TAS2R1: variants seen among roughly 807,000 people sequenced by gnomAD.
TAS2R1 encodes taste 2 receptor member 1.
For synonymous variants in TAS2R1, 141 were observed against 134.2 expected, an observed-to-expected ratio of 1.05 and a Z score of -0.35; for missense variants, 370 against 353.4, an observed-to-expected ratio of 1.05 and a Z score of -0.38.
the TAS2R1 span, among the ~76,000 whole-genome samples, chr5:9,805,533 A>G: frequency 6.6e-6 from 1 of 152,188 alleles, no homozygotes; most frequent in East Asian, 1.9e-4. Flanking sequence ...ACAGCATATC[A>G]AAAAGATAAT....
At chr5:9,693,960 C>T (rs950761072) in intron 1 of TAS2R1, among the ~76,000 whole-genome samples, 2 of 152,200 alleles carry the variant, frequency 1.3e-5, no homozygotes, top group African/African-American at 2.4e-5. Flanking sequence ...ATAACCCTCA[C>T]CTCCAGGTGT....
the TAS2R1 span, among the ~76,000 whole-genome samples, chr5:9,743,565 C>T: frequency 2.0e-5 from 3 of 152,118 alleles, no homozygotes; most frequent in African/African-American, 7.2e-5. Context: ...ATTGTCACTT[C>T]GCGCCTCTTT....
the TAS2R1 span, among the ~76,000 whole-genome samples, chr5:9,857,680 T>C: frequency 6.6e-6 from 1 of 152,200 alleles, no homozygotes; most frequent in Non-Finnish European, 1.5e-5. Context: ...AGAAGATTAT[T>C]GTGTTCTTTG....
chr5:9,815,591 C>T, the TAS2R1 span, among the ~76,000 whole-genome samples: 17 of 152,002 alleles, frequency 1.1e-4, no homozygotes, highest in Non-Finnish European at 2.4e-4. Flanking sequence ...CCTTCTGCTA[C>T]ATTGCATGCT....
At chr5:9,896,989 C>G in the TAS2R1 span, among the ~76,000 whole-genome samples, 1 of 152,168 alleles carries the variant, frequency 6.6e-6, no homozygotes, top group East Asian at 1.9e-4. Context: ...CTCTTAGCCT[C>G]TGCACTCAAG....
chr5:9,670,193 T>C (rs1231029851), intron 1 of TAS2R1, among the ~76,000 whole-genome samples: 1 of 152,086 alleles, frequency 6.6e-6, no homozygotes, highest in Non-Finnish European at 1.5e-5. Flanking sequence ...CTCCCAAAAT[T>C]GAACCAGGAA....
the TAS2R1 span, among the ~76,000 whole-genome samples, chr5:9,732,579 C>G: frequency 6.6e-6 from 1 of 152,022 alleles, no homozygotes; most frequent in Non-Finnish European, 1.5e-5. Context: ...GCTTCCATAG[C>G]AGGGTGGATG....
chr5:9,774,442 G>A, the TAS2R1 span, among the ~76,000 whole-genome samples: 11 of 152,280 alleles, frequency 7.2e-5, no homozygotes, highest in Non-Finnish European at 7.4e-5. Flanking sequence ...TATTAAGTTC[G>A]TTTAGTGAGA....
chr5:9,781,798 C>A, the TAS2R1 span, among the ~76,000 whole-genome samples: 1 of 152,186 alleles, frequency 6.6e-6, no homozygotes, highest in East Asian at 1.9e-4. Context: ...CTCAGCAAGG[C>A]CCCCTGCATG....
the TAS2R1 span, among the ~76,000 whole-genome samples, chr5:9,897,682 G>A: frequency 0.05 from 7,560 of 152,166 alleles, 211 homozygotes; most frequent in African/African-American, 0.06. Flanking sequence ...TTCTTGGGAG[G>A]GTTCTTTCTT....
At chr5:9,689,007 A>C (rs1741183177) in intron 1 of TAS2R1, among the ~76,000 whole-genome samples, 1 of 152,108 alleles carries the variant, frequency 6.6e-6, no homozygotes, top group Non-Finnish European at 1.5e-5. Flanking sequence ...CGGCATCAGC[A>C]CCATTTTCAT....
intron 1 of TAS2R1, among the ~76,000 whole-genome samples, chr5:9,688,775 ACCCTCTCTAAAG>A (rs975168626): frequency 5.3e-5 from 8 of 151,904 alleles, no homozygotes; most frequent in African/African-American, 1.9e-4. Context: ...TTTATCTCGC[ACCCTCTCTAAAG>A]CTTCCCCCAA....
chr5:9,852,798 T>A, the TAS2R1 span, among the ~76,000 whole-genome samples: 1 of 152,200 alleles, frequency 6.6e-6, no homozygotes, highest in African/African-American at 2.4e-5. Flanking sequence ...TCAGCTTGGC[T>A]TGACTTGAAC....
the TAS2R1 span, among the ~76,000 whole-genome samples, chr5:9,771,570 A>G: frequency 6.6e-6 from 1 of 152,106 alleles, no homozygotes; most frequent in Non-Finnish European, 1.5e-5. Flanking sequence ...CTTTTTTCAG[A>G]ATAGTCTGAG....
At chr5:9,630,768 T>A (rs1315072010), upstream of TAS2R1, among the ~76,000 whole-genome samples, 8 of 152,220 alleles carry the variant, frequency 5.3e-5, no homozygotes, top group Non-Finnish European at 1.5e-5. Flanking sequence ...GGTTAAAATC[T>A]TTTCTCTCTT....
the TAS2R1 span, among the ~76,000 whole-genome samples, chr5:9,732,070 G>T: frequency 6.6e-6 from 1 of 152,180 alleles, no homozygotes; most frequent in Admixed American, 6.5e-5. Flanking sequence ...TGCTATGATA[G>T]AGAATAATGG....
At chr5:9,635,053 T>C (rs1010852904), upstream of TAS2R1, among the ~76,000 whole-genome samples, 1 of 152,134 alleles carries the variant, frequency 6.6e-6, no homozygotes, top group Admixed American at 6.5e-5. Flanking sequence ...TTCAACTTTT[T>C]CTCATTCAAT....
At chr5:9,894,679 C>A in the TAS2R1 span, among the ~76,000 whole-genome samples, 1 of 152,240 alleles carries the variant, frequency 6.6e-6, no homozygotes, top group Non-Finnish European at 1.5e-5. Flanking sequence ...TAAGTTAGTT[C>A]TATCCTGGTC....
the TAS2R1 span, among the ~76,000 whole-genome samples, chr5:9,727,778 G>A: frequency 1.3e-5 from 2 of 152,228 alleles, no homozygotes; most frequent in South Asian, 4.1e-4. Context: ...CTGCGTGGTC[G>A]GCTTCTTGCT....
Sources: allele counts gnomAD v4.1 joint callset (sites outside exome capture counted in the v4.1 genomes callset), GRCh38; gene constraint gnomAD v4.1.1; transcripts MANE v1.5; gene names NCBI Gene and HGNC (gene_info 2026-07-23, HGNC 2026-07-21).